SPAG17: variants seen among roughly 807,000 people sequenced by gnomAD.
The protein encoded by SPAG17 is sperm-associated antigen 17.
In SPAG17, 169 loss-of-function variants were observed where a neutral mutation model predicts 273.6. The observed-to-expected ratio is 0.62, with a 90% CI of 0.55 to 0.70. The LOEUF (loss-of-function observed/expected upper bound fraction) is 0.70. Among genes scored for constraint, SPAG17 ranks in the 30% least tolerant of loss-of-function variants. The pLI, the probability that SPAG17 is intolerant of heterozygous loss-of-function variation, is 0.00. For synonymous variants in SPAG17, 825 were observed against 873.2 expected (o/e 0.94, Z 0.97); for missense variants, 2,557 against 2,627.8 (o/e 0.97, Z 0.59).
Position 118,031,678 on chromosome 1 carries a change from C to A in SPAG17, c.3609+14G>T. ...AGAAACAGAGTTTGGGAATCTATGG[C>A]AAGGTTCATTTACCTTTTTCTCTTC... On this transcript the variant is annotated intron_variant, in intron 25 of 48. Coordinates refer to ENST00000336338, the MANE Select transcript of SPAG17 (RefSeq NM_206996.4). The A allele has an allele frequency of 6.2e-7, 1 of 1,610,680 alleles. No individual in the cohort carries two copies. The highest frequency in any genetic ancestry group is 2.2e-5 in the East Asian group (1 of 44,772).
At chr1:118,176,142 C>T (rs1660686597) in intron 1 of SPAG17, among the ~76,000 whole-genome samples, 1 of 151,984 alleles carries the variant, frequency 6.6e-6, no homozygotes, top group African/African-American at 2.4e-5. Context: ...AAATATACTA[C>T]CAGAGAAAAA....
chr1:118,176,355 C>A (rs1402118486), intron 1 of SPAG17, among the ~76,000 whole-genome samples: 1 of 152,018 alleles, frequency 6.6e-6, no homozygotes, highest in Non-Finnish European at 1.5e-5. Context: ...ACACACATAA[C>A]CTGAAAGTGA....
chr1:118,161,717 A>G (rs1035783415), intron 1 of SPAG17, among the ~76,000 whole-genome samples: 14 of 152,000 alleles, frequency 9.2e-5, no homozygotes, highest in Non-Finnish European at 1.6e-4. Flanking sequence ...TTGTATTTTT[A>G]GTAGAGACAG....
intron 3 of SPAG17, among the ~76,000 whole-genome samples, chr1:118,149,507 C>T (rs756233428): frequency 7.2e-5 from 11 of 152,168 alleles, no homozygotes; most frequent in African/African-American, 1.9e-4. Context: ...CACACACATT[C>T]GGAACATTAT....
intron 26 of SPAG17, among the ~76,000 whole-genome samples, chr1:118,026,709 C>G (rs999883775): frequency 1.1e-4 from 16 of 152,024 alleles, no homozygotes; most frequent in African/African-American, 3.6e-4. Flanking sequence ...GGACGCACAG[C>G]CAGTAAGTAA....
chr1:117,968,496 T>C (rs1654163989), intron 46 of SPAG17, among the ~76,000 whole-genome samples: 1 of 152,224 alleles, frequency 6.6e-6, no homozygotes, highest in South Asian at 2.1e-4. Flanking sequence ...AGAGTACTCA[T>C]GAATTAGTGG....
In SPAG17 at chr1:118,039,348, C is replaced by T. The variant is rs749074745; in HGVS notation, c.3263G>A (p.Gly1088Glu). The T allele has an allele frequency of 6.2e-6, 10 of 1,613,446 alleles. No homozygotes were observed. The highest frequency in any genetic ancestry group is 8.5e-6 in the Non-Finnish European group (10 of 1,179,612). The change falls in exon 23 of 49, where the codon GGG (glycine) becomes GAG (glutamate). Residue 1088 changes from glycine (G) to glutamate (E), a missense_variant. By Grantham distance (98) the Gly-to-Glu change is moderately conservative (BLOSUM62 -2). Coordinates refer to ENST00000336338, the MANE Select transcript of SPAG17 (RefSeq NM_206996.4). ...PKEIVKKEEKGDYYLEEEEEG... is the reference protein window; with the variant it reads ...PKEIVKKEEKEDYYLEEEEEG... Reference sequence around the variant, plus strand: ...TTCTTCCTCTTCTAAATAATAATCCCCTTTCTCTTCCTTTTTCACAATTTC... The same window carrying T: ...TTCTTCCTCTTCTAAATAATAATCCTCTTTCTCTTCCTTTTTCACAATTTC...
chr1:118,040,856 A>G lies in SPAG17; in HGVS notation c.3055-15T>C, dbSNP rs1307927806. The G allele has an allele frequency of 6.7e-7, 1 of 1,497,674 alleles. No individual in the cohort carries two copies. Among genetic ancestry groups the G allele is most frequent in the Admixed American group, 1.7e-5 (1 of 59,706 alleles). 92.8% of individuals were successfully genotyped at this position (1,497,674 alleles called of 1,614,324 possible). On this transcript the variant is annotated splice_polypyrimidine_tract_variant and intron_variant, in intron 21 of 48. Coordinates refer to ENST00000336338, the MANE Select transcript of SPAG17 (RefSeq NM_206996.4). ...TATCCGTGAAACTAGAAGAGAAAAT[A>G]TTATGCTTTGAGTGTGAAGCTGCAA...
At chr1:117,996,273 C>T (rs1186765342) in intron 34 of SPAG17, 97 bp downstream of exon 34, 28 of 1,399,060 alleles carry the variant, frequency 2.0e-5, no homozygotes, top group South Asian at 5.2e-5. Context: ...GTGAGCAAAG[C>T]GGAAAAAGTA....
rs1649839109 is a variant in SPAG17 at position 118,042,129 on chromosome 1, A to G, written c.2815-87T>C. ...AGGTTCATTTTGAAGAATATTTAAC[A>G]TGATTTTTGTTAGTGTATCTCTGAC... On this transcript the variant is annotated intron_variant, in intron 20 of 48. Coordinates refer to ENST00000336338, the MANE Select transcript of SPAG17 (RefSeq NM_206996.4). 14 of 1,481,456 alleles carry G rather than the reference A, an allele frequency of 9.5e-6. No homozygotes were observed. The East Asian group carries it at 1.6e-4, about 17-fold the overall frequency. The allele number at this position is 1,481,456 out of a possible 1,614,324, so 91.8% of individuals were successfully genotyped here.
At chr1:117,959,016 G>T (rs773476124) in intron 48 of SPAG17, 2 of 1,612,102 alleles carry the variant, frequency 1.2e-6, no homozygotes, top group African/African-American at 2.7e-5. Context: ...AAGTGTCTTT[G>T]TATAGAGATA....
intron 18 of SPAG17, among the ~76,000 whole-genome samples, chr1:118,062,439 T>C (rs1431762932): frequency 6.8e-6 from 1 of 147,074 alleles, no homozygotes; most frequent in Non-Finnish European, 1.5e-5. Flanking sequence ...ATATATCTCA[T>C]AAAATCTATA....
chr1:118,155,024 T>G (rs746306407), intron 1 of SPAG17, among the ~76,000 whole-genome samples: 1 of 152,088 alleles, frequency 6.6e-6, no homozygotes, highest in Non-Finnish European at 1.5e-5. Flanking sequence ...AGTCGGCTGC[T>G]TAGGAAATCA....
intron 1 of SPAG17, among the ~76,000 whole-genome samples, chr1:118,168,136 C>T (rs1476213191): frequency 1.3e-5 from 2 of 152,004 alleles, no homozygotes; most frequent in Admixed American, 1.3e-4. Flanking sequence ...TATAGCAATA[C>T]AAGAATGGGC....
intron 30 of SPAG17, 39 bp downstream of exon 30, chr1:118,012,189 T>A (rs778354055): frequency 6.3e-7 from 1 of 1,584,274 alleles, no homozygotes; most frequent in Non-Finnish European, 8.6e-7. Context: ...CGCTAAAGAG[T>A]TATAAAATAT....
At chr1:118,085,312 G>A (rs530709420) in intron 13 of SPAG17, among the ~76,000 whole-genome samples, 2 of 152,252 alleles carry the variant, frequency 1.3e-5, no homozygotes, top group East Asian at 1.9e-4. Context: ...TGCAACAAGA[G>A]GATATAAGAT....
intron 30 of SPAG17, among the ~76,000 whole-genome samples, chr1:118,009,186 A>G (rs1659213039): frequency 6.6e-6 from 1 of 151,988 alleles, no homozygotes; most frequent in Non-Finnish European, 1.5e-5. Context: ...CATAAAAACT[A>G]TAGTCAATAA....
chr1:118,113,409 C>T (rs1452440624), intron 4 of SPAG17, among the ~76,000 whole-genome samples: 1 of 152,130 alleles, frequency 6.6e-6, no homozygotes, highest in Non-Finnish European at 1.5e-5. Context: ...ATTGTTTCAA[C>T]TGACCTCTTA....
At chr1:118,034,266 T>C (rs946632389) in intron 24 of SPAG17, among the ~76,000 whole-genome samples, 2 of 152,228 alleles carry the variant, frequency 1.3e-5, no homozygotes, top group Non-Finnish European at 2.9e-5. Flanking sequence ...CAATGCTGTG[T>C]GTTCAGTCTG....
Sources: allele counts gnomAD v4.1 joint callset (sites outside exome capture counted in the v4.1 genomes callset), GRCh38; gene constraint gnomAD v4.1.1; transcripts MANE v1.5; gene names NCBI Gene and HGNC (gene_info 2026-07-23, HGNC 2026-07-21).